NHLRC2: variants seen among roughly 807,000 people sequenced by gnomAD.
The protein encoded by NHLRC2 is NHL repeat containing 2.
NHLRC2 carries 33 observed loss-of-function variants against 68.1 expected under a neutral mutation model. That is an observed-to-expected ratio of 0.48 (90% CI 0.37 to 0.65). The LOEUF (loss-of-function observed/expected upper bound fraction) is 0.65, where lower values mean the gene tolerates loss of function less well. Ranked by LOEUF, NHLRC2 falls within the 30% of genes least tolerant of loss-of-function variation. The probability of loss-of-function intolerance (pLI) is 0.00; values close to 1 mark genes in which losing one functional copy is unlikely to be tolerated. For synonymous variants in NHLRC2, 311 were observed against 309.6 expected, an observed-to-expected ratio of 1.00 and a Z score of -0.05; for missense variants, 761 against 853.8, an observed-to-expected ratio of 0.89 and a Z score of 1.35.
chr10:113,907,131 C>T lies in NHLRC2; in HGVS notation c.1925-1149C>T, dbSNP rs568038423. ...GAATTTAAAAAGAATTCTTTAAAAG[C>T]TTCAGCATAGAAGTTTTGTACTTAT... On this transcript the variant is annotated intron_variant, in intron 10 of 10. Coordinates refer to ENST00000369301, the MANE Select transcript of NHLRC2 (RefSeq NM_198514.4). Among the ~76,000 whole-genome samples, 5 of 152,310 alleles carry T rather than the reference C, an allele frequency of 3.3e-5. No homozygotes were observed. The East Asian group carries it at 9.6e-4, about 29-fold the overall frequency.
At chr10:113,877,350 A>G (rs1241626095) in intron 3 of NHLRC2, among the ~76,000 whole-genome samples, 1 of 152,072 alleles carries the variant, frequency 6.6e-6, no homozygotes, top group Non-Finnish European at 1.5e-5. Flanking sequence ...ACTTTCCAAC[A>G]AAATATAGCC....
At chr10:113,898,721 G>A (rs1846202424) in intron 6 of NHLRC2, among the ~76,000 whole-genome samples, 1 of 152,156 alleles carries the variant, frequency 6.6e-6, no homozygotes, top group Non-Finnish European at 1.5e-5. Context: ...ATACCACATA[G>A]CAGAGTGCTT....
Position 113,908,518 on chromosome 10 carries a change from G to T in NHLRC2, c.2163G>T (p.Glu721Asp), listed in dbSNP as rs766412579. 6.2e-7 allele frequency: 1 copy of T among 1,614,032 alleles called. No homozygotes were observed. Among genetic ancestry groups the T allele is most frequent in the Non-Finnish European group, 8.5e-7 (1 of 1,179,960 alleles). The change falls in exon 11 of 11, where the codon GAG becomes GAT. Residue 721 changes from glutamate to aspartate, a missense_variant. By Grantham distance (45) the Glu-to-Asp change is conservative. Coordinates refer to ENST00000369301, the MANE Select transcript of NHLRC2 (RefSeq NM_198514.4). The stretch of plus-strand genomic sequence containing the variant: ...AGCAAGGTTGCATAGCTCCAGTAGA[G>T]CTCAGGTATGTATTTTAGCCAGCCA... ...DTQQGCIAPV[E>D]LRYVF
At chr10:113,883,507 C>A (rs79525605) in intron 4 of NHLRC2, among the ~76,000 whole-genome samples, 1,690 of 151,952 alleles carry the variant, frequency 0.011, 26 homozygotes, top group African/African-American at 0.037. Context: ...AATATCATCT[C>A]AGTGGTAGGT....
chr10:113,858,488 T>C, intron 1 of NHLRC2, 40 bp from the exon 2 acceptor site: 2 of 1,435,454 alleles, frequency 1.4e-6, no homozygotes, highest in Non-Finnish European at 1.9e-6. Context: ...AATTTTATCT[T>C]TCTCTTTAAT....
chr10:113,861,977 A>G (rs962247016), intron 2 of NHLRC2, among the ~76,000 whole-genome samples: 6 of 152,042 alleles, frequency 3.9e-5, no homozygotes, highest in Non-Finnish European at 8.8e-5. Flanking sequence ...GGCTCAAGCA[A>G]TTGTCCTGCC....
chr10:113,895,672 A>G (rs184087410), intron 5 of NHLRC2, among the ~76,000 whole-genome samples: 30 of 152,218 alleles, frequency 2.0e-4, no homozygotes, highest in Admixed American at 1.0e-3. Context: ...CCTTCCAGTA[A>G]TCTTATGTAG....
intron 4 of NHLRC2, 112 bp downstream of exon 4, chr10:113,879,807 G>A: frequency 1.5e-6 from 1 of 663,876 alleles, no homozygotes; most frequent in South Asian, 2.3e-5. Context: ...CAATGTCCTT[G>A]TTCTGCTTTT....
chr10:113,873,330 A>T (rs1845947314), intron 2 of NHLRC2, among the ~76,000 whole-genome samples: 1 of 152,120 alleles, frequency 6.6e-6, no homozygotes, highest in Non-Finnish European at 1.5e-5. Flanking sequence ...TAATGGATGG[A>T]TGGAGATTTT....
chr10:113,861,619 T>C (rs1459220154), intron 2 of NHLRC2, among the ~76,000 whole-genome samples: 4 of 151,872 alleles, frequency 2.6e-5, no homozygotes, highest in Non-Finnish European at 5.9e-5. Context: ...GCTAAGGGAG[T>C]TCATTAATAG....
At chr10:113,873,585 T>C (rs1259555120) in intron 2 of NHLRC2, among the ~76,000 whole-genome samples, 1 of 152,138 alleles carries the variant, frequency 6.6e-6, no homozygotes, top group Non-Finnish European at 1.5e-5. Context: ...GAGGTGTGTG[T>C]GCGTATGTTC....
chr10:113,878,293 T>C (rs752015809), intron 3 of NHLRC2, among the ~76,000 whole-genome samples: 1 of 152,116 alleles, frequency 6.6e-6, no homozygotes, highest in Non-Finnish European at 1.5e-5. Context: ...GGAACTCTTA[T>C]CAATATCAAC....
At chr10:113,865,012 C>T (rs1319588139) in intron 2 of NHLRC2, among the ~76,000 whole-genome samples, 1 of 151,054 alleles carries the variant, frequency 6.6e-6, no homozygotes, top group Non-Finnish European at 1.5e-5. Flanking sequence ...TGCAATGGCG[C>T]CATCTCAGCT....
chr10:113,902,548 C>G lies in NHLRC2; in HGVS notation c.1449C>G (p.Asp483Glu). The G allele has an allele frequency of 1.2e-6, 2 of 1,606,354 alleles. No homozygotes were observed. Among genetic ancestry groups the G allele is most frequent in the Non-Finnish European group, 1.7e-6 (2 of 1,175,882 alleles). ...KLQHPLGVTW[D>E]KKRNLLYVAD... ...AACACCCCCTTGGAGTAACATGGGACAAAAAAAGGAATTTACTTTATGTTG... is the reference window on the plus strand; with the variant it reads ...AACACCCCCTTGGAGTAACATGGGAGAAAAAAAGGAATTTACTTTATGTTG... The change falls in exon 8 of 11, where the codon GAC becomes GAG. Residue 483 changes from aspartate (D) to glutamate (E), a missense_variant. Coordinates refer to ENST00000369301, the MANE Select transcript of NHLRC2 (RefSeq NM_198514.4).
At chr10:113,891,842 G>C (rs958251586) in intron 5 of NHLRC2, among the ~76,000 whole-genome samples, 1 of 152,182 alleles carries the variant, frequency 6.6e-6, no homozygotes, top group African/African-American at 2.4e-5. Flanking sequence ...CTTGAGGAAA[G>C]GATGTGGGGA....
chr10:113,880,909 C>T (rs1846031221), intron 4 of NHLRC2, among the ~76,000 whole-genome samples: 1 of 151,784 alleles, frequency 6.6e-6, no homozygotes, highest in African/African-American at 2.4e-5. Flanking sequence ...TTTTTAAAGT[C>T]TTGCAGACTT....
chr10:113,900,292 A>G (rs1323335337), intron 6 of NHLRC2, among the ~76,000 whole-genome samples: 1 of 152,244 alleles, frequency 6.6e-6, no homozygotes, highest in African/African-American at 2.4e-5. Flanking sequence ...GCTGTTATCC[A>G]GGCAAGAGAT....
chr10:113,891,350 G>C (rs142166086), intron 5 of NHLRC2, among the ~76,000 whole-genome samples: 45 of 152,256 alleles, frequency 3.0e-4, no homozygotes, highest in African/African-American at 9.6e-4. Flanking sequence ...GTCTGTTTCT[G>C]ATCATTCCTT....
chr10:113,880,866 A>G (rs1846030889), intron 4 of NHLRC2, among the ~76,000 whole-genome samples: 2 of 151,844 alleles, frequency 1.3e-5, no homozygotes. Context: ...TGAAAAACAG[A>G]TTTTGTGGGT....
Sources: gnomAD v4.1 joint callset for allele counts (sites outside exome capture counted in the v4.1 genomes callset) on GRCh38, gnomAD v4.1.1 for gene constraint, MANE v1.5 for transcripts, NCBI Gene and HGNC (gene_info 2026-07-23, HGNC 2026-07-21) for gene names.